The following TTN variants were observed in gnomAD, a reference collection of about 807,000 sequenced individuals.
The protein encoded by TTN is connectin.
A neutral mutation model predicts 3,223.0 loss-of-function variants in TTN; 1,525 were observed. The observed-to-expected ratio is 0.47, with a 90% CI of 0.45 to 0.49. The LOEUF is 0.49. TTN is among the 20% of genes least tolerant of loss of function. TTN has a pLI of 0.00. For missense variants in TTN, 40,786 were observed against 43,424.0 expected (o/e 0.94, Z 5.40); for synonymous variants, 14,094 against 15,161.0 (o/e 0.93, Z 5.17).
In TTN at chr2:178,733,859, A is replaced by C. The variant is rs1205797095; in HGVS notation, c.15530T>G (p.Leu5177Trp). The change falls in exon 53 of 363, where the codon TTG (leucine) becomes TGG (tryptophan). Residue 5177 changes from leucine to tryptophan, a missense_variant. Physicochemically the swap from Leu to Trp is moderately conservative, Grantham distance 61. Coordinates refer to ENST00000589042, the MANE Select transcript of TTN (RefSeq NM_001267550.2). Reference protein sequence around the residue: ...PPTFVKKVDDLIALGGQTVTL... With the variant: ...PPTFVKKVDDWIALGGQTVTL... ...AACGGTTTGTCCTCCTAGTGCAATC[A>C]AATCATCTACTTTCTTTACAAAGGT... 6.2e-7 allele frequency: 1 copy of C among 1,605,668 alleles called. No homozygotes were observed. Among genetic ancestry groups the C allele is most frequent in the East Asian group, 2.2e-5 (1 of 44,678 alleles).
intron 223 of TTN, among the ~76,000 whole-genome samples, chr2:178,638,792 CTTTTA>C (rs2060846866): frequency 6.6e-6 from 1 of 151,848 alleles, no homozygotes; most frequent in East Asian, 1.9e-4. Flanking sequence ...ATAATTTCAA[CTTTTA>C]TTTTAAACTC....
At position 178,540,063 on chromosome 2, in the gene TTN, C is replaced by T; in HGVS notation, c.98098+5G>A. ...TTGCAGAAAGCAAATGATCATATGT[C>T]TCACCAAGCATTTCAGTGACTTTGA... is the stretch of plus-strand genomic sequence containing the variant. On this transcript the variant is annotated splice_donor_5th_base_variant and intron_variant, in intron 351 of 362. Coordinates refer to ENST00000589042, the MANE Select transcript of TTN (RefSeq NM_001267550.2). 6.3e-7 allele frequency: 1 copy of T among 1,596,314 alleles called. No individual in the cohort carries two copies. Among genetic ancestry groups the T allele is most frequent in the Non-Finnish European group, 8.5e-7 (1 of 1,169,714 alleles).
rs192606933 is a variant in TTN, at chr2:178,687,747, G to T, written c.32311+364C>A. ...AGCAATGTTTGAGAAACACCAATTA[G>T]GCATTAGGCTACTAAGGTAAAGCTT... On this transcript the variant is annotated intron_variant, in intron 127 of 362. Transcript: ENST00000589042. 9.9e-5 allele frequency among the ~76,000 whole-genome samples: 15 copies of T among 152,272 alleles called. No homozygotes were observed. The East Asian group carries it at 2.7e-3, about 27-fold the overall frequency.
chr2:178,557,637 G>C lies in TTN; in HGVS notation c.87706+11C>G, dbSNP rs376906080. 1 of 1,612,882 alleles carries C rather than the reference G, an allele frequency of 6.2e-7. No homozygotes were observed. Among genetic ancestry groups the C allele is most frequent in the East Asian group, 2.2e-5 (1 of 44,866 alleles). On this transcript the variant is annotated intron_variant, in intron 328 of 362. Coordinates refer to ENST00000589042, the MANE Select transcript of TTN (RefSeq NM_001267550.2). Reference sequence around the variant, plus strand: ...AGAAAACCTGGATCTTTGAAAAGTTGGACAACTTACTGTATGGTAGTTTGA... The same window carrying C: ...AGAAAACCTGGATCTTTGAAAAGTTCGACAACTTACTGTATGGTAGTTTGA...
chr2:178,608,385 G>A lies in TTN; in HGVS notation c.52498C>T (p.Pro17500Ser). Residue 17500 changes from proline (P) to serine (S), a missense_variant, in exon 275 of 363, where the codon CCC becomes TCC. Pro to Ser is a moderately conservative substitution (Grantham distance 74). Coordinates refer to ENST00000589042, the MANE Select transcript of TTN (RefSeq NM_001267550.2). Reference sequence around the variant, plus strand: ...TTTTCAAGCCAGTAACCCAAAATGGGGCTTCCATTATCTTTTGGTTCATTC... The same window carrying A: ...TTTTCAAGCCAGTAACCCAAAATGGAGCTTCCATTATCTTTTGGTTCATTC... ...KWNEPKDNGS[P>S]ILGYWLEKRE... The A allele has an allele frequency of 6.2e-7, 1 of 1,610,994 alleles. No individual in the cohort carries two copies. Among genetic ancestry groups the A allele is most frequent in the Non-Finnish European group, 8.5e-7 (1 of 1,178,562 alleles).
At position 178,663,846 on chromosome 2, in the gene TTN, T is replaced by A; in HGVS notation, c.36421A>T (p.Lys12141Ter). 1 of 1,613,444 alleles carries A rather than the reference T, an allele frequency of 6.2e-7. No homozygotes were observed. The highest frequency in any genetic ancestry group is 8.5e-7 in the Non-Finnish European group (1 of 1,179,834). Residue 12141 changes from lysine to a stop codon, truncating the protein, a stop_gained, in exon 170 of 363, where the codon AAA becomes TAA. Transcript: ENST00000589042. LOFTEE classifies it high-confidence loss of function. ...REEKVPLAPP[K>*]EPEVPPVKVP... ...TTAACAGGTGGGACTTCAGGCTCTT[T>A]AGGAGGAGCCAAGGGCACTTTCTCT...
intron 316 of TTN, 100 bp downstream of exon 316, chr2:178,581,399 C>T (rs1213630285): frequency 2.9e-6 from 3 of 1,044,504 alleles, no homozygotes; most frequent in Admixed American, 6.1e-5. Flanking sequence ...ACCAGCTCTA[C>T]ACCTTGTTAA....
chr2:178,768,050 C>G lies in TTN; in HGVS notation c.9269G>C (p.Trp3090Ser), dbSNP rs761150662. The part of the protein sequence containing the change: ...EVSEPDITVQ[W>S]MKDDQELQIT... ...CTGCAGTTCCTGGTCATCTTTCATC[C>G]ACTGTACAGTGATGTCAGGTTCAGA... Residue 3090 changes from tryptophan (W) to serine (S), a missense_variant, in exon 39 of 363, where the codon TGG becomes TCG. Transcript: ENST00000589042. 2 of 1,614,126 alleles carry G rather than the reference C, an allele frequency of 1.2e-6. No homozygotes were observed. The highest frequency in any genetic ancestry group is 2.2e-5 in the South Asian group (2 of 91,074).
At chr2:178,756,858 C>T (rs1219928046) in intron 45 of TTN, 61 bp from the exon 46 acceptor site, 1 of 1,473,998 alleles carries the variant, frequency 6.8e-7, no homozygotes, top group Non-Finnish European at 9.3e-7. Flanking sequence ...TGTCACTTGC[C>T]CATGTTAGTA....
chr2:178,791,845 A>T (rs1202281397), intron 10 of TTN, among the ~76,000 whole-genome samples: 1 of 152,166 alleles, frequency 6.6e-6, no homozygotes, highest in African/African-American at 2.4e-5. Flanking sequence ...GATGTGCCCT[A>T]AACTGTTCTG....
Position 178,561,006 on chromosome 2 carries a change from T to G in TTN, c.85126A>C (p.Lys28376Gln), listed in dbSNP as rs755843409. ...CGCCCTGCAATGTCTGCATTTATCT[T>G]AAGGACCTCTCCAGCTTTGACAACA... ...VIVVKAGEVL[K>Q]INADIAGRPL... Residue 28376 changes from lysine to glutamine, a missense_variant, in exon 326 of 363, where the codon AAG becomes CAG. Coordinates refer to ENST00000589042, the MANE Select transcript of TTN (RefSeq NM_001267550.2). 33 of 1,613,754 alleles carry G rather than the reference T, an allele frequency of 2.0e-5. No individual in the cohort carries two copies. Among genetic ancestry groups the G allele is most frequent in the Admixed American group, 3.3e-5 (2 of 59,980 alleles).
chr2:178,529,167 A>G lies in TTN; in HGVS notation c.106584T>C (p.Ile35528=), dbSNP rs965368645. 1.9e-6 allele frequency: 3 copies of G among 1,549,062 alleles called. No homozygotes were observed. In the African/African-American group the frequency reaches 4.1e-5, roughly 21 times the overall value. ...GGACAACAGCTTTCTTCTGAGGTGT[A>G]ATTTCAGAAGTCTTTTGTGTAGAGA... The part of the protein sequence containing the change: ...QKVSTQKTSE[I]TPQKKAVVQE... Residue 35528 remains isoleucine, a synonymous_variant, in exon 360 of 363, where the codon ATT becomes ATC. Transcript: ENST00000589042.
Position 178,598,476 on chromosome 2 carries a change from G to C in TTN, c.57111+30C>G, listed in dbSNP as rs761191845. ...TATGACATTTTTTAGTTTATTCATA[G>C]TGCATTTCCTTAGTGCCAAGTTTTC... On this transcript the variant is annotated intron_variant, in intron 292 of 362. Transcript: ENST00000589042. The C allele has an allele frequency of 1.9e-6, 3 of 1,599,240 alleles. No individual in the cohort carries two copies. In the African/African-American group the frequency reaches 4.1e-5, roughly 22 times the overall value.
rs777849777 is a variant in TTN at position 178,565,040 on chromosome 2, G to A, written c.81092C>T (p.Thr27031Ile). The change falls in exon 326 of 363, where the codon ACA becomes ATA. Residue 27031 changes from threonine (T) to isoleucine (I), a missense_variant. By Grantham distance (89) the Thr-to-Ile change is moderately conservative. Transcript: ENST00000589042. ...TGTTTTCAGTTTGGTTATTTTAATT[G>A]TTGTTCTTGCAACTGTTGCTGATAC... Reference protein sequence around the residue: ...HMVSATVARTTIKITKLKTGT... With the variant: ...HMVSATVARTIIKITKLKTGT... 5.0e-6 allele frequency: 8 copies of A among 1,613,546 alleles called. No homozygotes were observed. Among genetic ancestry groups the A allele is most frequent in the Non-Finnish European group, 6.8e-6 (8 of 1,179,664 alleles).
In TTN at chr2:178,530,540, A is replaced by G. The variant is rs1414538562; in HGVS notation, c.106075T>C (p.Cys35359Arg). The part of the protein sequence containing the change: ...LTESDQGEYV[C>R]EISGEGGTSK... Reference sequence around the variant, plus strand: ...GTTCCACCTTCACCAGAAATCTCACAAACATATTCTCCTTGATCAGATTCA... The same window carrying G: ...GTTCCACCTTCACCAGAAATCTCACGAACATATTCTCCTTGATCAGATTCA... Residue 35359 changes from cysteine (C) to arginine (R), a missense_variant, in exon 358 of 363, where the codon TGT becomes CGT. By Grantham distance (180) the Cys-to-Arg change is radical. Coordinates refer to ENST00000589042, the MANE Select transcript of TTN (RefSeq NM_001267550.2). The G allele has an allele frequency of 2.5e-6, 4 of 1,613,896 alleles. No homozygotes were observed. Among genetic ancestry groups the G allele is most frequent in the Non-Finnish European group, 3.4e-6 (4 of 1,179,898 alleles).
rs1033605445 is a variant in TTN at position 178,794,387 on chromosome 2, C to G, written c.1398+12G>C. 3 of 1,613,992 alleles carry G rather than the reference C, an allele frequency of 1.9e-6. No individual in the cohort carries two copies. Among genetic ancestry groups the G allele is most frequent in the Non-Finnish European group, 2.5e-6 (3 of 1,179,960 alleles). ...TGGCTCTGCGGGTGCCCCATGGCAG[C>G]CTCGCACGTACCTGTTCTTGAGCAG... On this transcript the variant is annotated intron_variant, in intron 8 of 362. Coordinates refer to ENST00000589042, the MANE Select transcript of TTN (RefSeq NM_001267550.2).
chr2:178,698,916 T>TAAAAAAAAAAA lies in TTN; in HGVS notation c.30683-13_30683-3dup, dbSNP rs368277751. On this transcript the variant is annotated splice_polypyrimidine_tract_variant and splice_region_variant and intron_variant, in intron 111 of 362. Coordinates refer to ENST00000589042, the MANE Select transcript of TTN (RefSeq NM_001267550.2). ...CTTTCTTCACAGCCTTTTTGGTAAC[T>TAAAAAAAAAAA]AAAAAAAAAAAAAAAGAAAAAAAAA... The TAAAAAAAAAAA allele has an allele frequency of 1.3e-4, 172 of 1,315,064 alleles. No homozygotes were observed. The highest frequency in any genetic ancestry group is 6.0e-4 in the South Asian group (38 of 63,800). The allele number at this position is 1,315,064 out of a possible 1,614,324, so 81.5% of individuals were successfully genotyped here.
intron 102 of TTN, among the ~76,000 whole-genome samples, chr2:178,706,115 A>C (rs770678713): frequency 6.6e-6 from 1 of 152,134 alleles, no homozygotes; most frequent in East Asian, 1.9e-4. Context: ...ATGACTCTTG[A>C]GAGATTCTTT....
chr2:178,540,184 G>A lies in TTN; in HGVS notation c.97982C>T (p.Thr32661Ile), dbSNP rs1427043562. The change falls in exon 351 of 363, where the codon ACT (threonine) becomes ATT (isoleucine). Residue 32661 changes from threonine (T) to isoleucine (I), a missense_variant. Transcript: ENST00000589042. ...NTTPTKIREYTLTHLPQGAEY... is the reference protein window; with the variant it reads ...NTTPTKIREYILTHLPQGAEY... ...TGCACCCTGAGGTAGGTGTGTTAGA[G>A]TATACTCTCGAATCTTGGTTGGAGT... is the stretch of plus-strand genomic sequence containing the variant. 6.2e-7 allele frequency: 1 copy of A among 1,613,702 alleles called. No homozygotes were observed. Among genetic ancestry groups the A allele is most frequent in the Non-Finnish European group, 8.5e-7 (1 of 1,179,778 alleles).
Sources: gnomAD v4.1 joint callset for allele counts (sites outside exome capture counted in the v4.1 genomes callset) on GRCh38, gnomAD v4.1.1 for gene constraint, MANE v1.5 for transcripts, NCBI Gene and HGNC (gene_info 2026-07-23, HGNC 2026-07-21) for gene names.